The following ZNF423 variants were observed in gnomAD, a reference collection of about 807,000 sequenced individuals.
ZNF423 encodes the protein Ebf-associated zinc finger protein.
A neutral mutation model predicts 95.8 loss-of-function variants in ZNF423; 12 were observed. The ratio of observed to expected loss-of-function variants is 0.13; its 90% CI spans 0.08 to 0.20. The LOEUF (loss-of-function observed/expected upper bound fraction) is 0.20, where lower values mean the gene tolerates loss of function less well. ZNF423 is among the 10% of genes least tolerant of loss of function. The probability of loss-of-function intolerance (pLI) is 1.00; values close to 1 mark genes in which losing one functional copy is unlikely to be tolerated. For missense variants in ZNF423, 1,316 were observed against 1,737.1 expected (o/e 0.76, Z 4.31); for synonymous variants, 749 against 711.9 (o/e 1.05, Z -0.83).
chr16:49,722,340 C>T (rs538678121), intron 3 of ZNF423, among the ~76,000 whole-genome samples: 12 of 152,302 alleles, frequency 7.9e-5, no homozygotes, highest in Non-Finnish European at 1.5e-4. Flanking sequence ...TAGAGAATAA[C>T]GTCTCTGTTC....
At chr16:49,673,072 C>T (rs936102240) in intron 3 of ZNF423, among the ~76,000 whole-genome samples, 2 of 152,158 alleles carry the variant, frequency 1.3e-5, no homozygotes, top group Admixed American at 6.5e-5. Flanking sequence ...CTCACCACCC[C>T]GCCGTGGTAC....
At chr16:49,596,931 G>T (rs758158816) in intron 5 of ZNF423, among the ~76,000 whole-genome samples, 14 of 152,208 alleles carry the variant, frequency 9.2e-5, no homozygotes, top group Admixed American at 6.5e-5. Context: ...TTCCAGCAAG[G>T]GGCAGAAGCA....
At chr16:49,796,081 C>T (rs1490323382) in intron 1 of ZNF423, among the ~76,000 whole-genome samples, 4 of 152,098 alleles carry the variant, frequency 2.6e-5, no homozygotes, top group Non-Finnish European at 4.4e-5. Flanking sequence ...CAGGACTCCA[C>T]GTTGACTCTC....
At chr16:49,819,030 G>A (rs1196591073) in intron 1 of ZNF423, among the ~76,000 whole-genome samples, 2 of 152,060 alleles carry the variant, frequency 1.3e-5, no homozygotes, top group African/African-American at 4.8e-5. Flanking sequence ...GAGGCCGGTG[G>A]ATTACGAGGT....
chr16:49,819,364 T>C (rs2034905747), intron 1 of ZNF423, among the ~76,000 whole-genome samples: 1 of 152,102 alleles, frequency 6.6e-6, no homozygotes, highest in Admixed American at 6.6e-5. Context: ...TATAGAATAT[T>C]TCCATCTTCA....
intron 4 of ZNF423, among the ~76,000 whole-genome samples, chr16:49,632,275 T>C (rs748390771): frequency 5.3e-5 from 8 of 152,086 alleles, no homozygotes; most frequent in Non-Finnish European, 1.0e-4. Flanking sequence ...CTGGTTGCTA[T>C]GGATACACTC....
chr16:49,832,160 T>C (rs1318466115), intron 1 of ZNF423, among the ~76,000 whole-genome samples: 1 of 152,020 alleles, frequency 6.6e-6, no homozygotes, highest in African/African-American at 2.4e-5. Flanking sequence ...TAGCTAGAAA[T>C]CCAACTCCAG....
chr16:49,684,771 A>G (rs2031497002), intron 3 of ZNF423, among the ~76,000 whole-genome samples: 1 of 152,190 alleles, frequency 6.6e-6, no homozygotes, highest in Admixed American at 6.5e-5. Flanking sequence ...CACCAGGTTA[A>G]GCAGCACCCC....
chr16:49,832,867 A>G (rs1191720033), intron 1 of ZNF423, among the ~76,000 whole-genome samples: 1 of 152,236 alleles, frequency 6.6e-6, no homozygotes, highest in Non-Finnish European at 1.5e-5. Context: ...GAAGTCCCAG[A>G]TCTACCCATT....
At position 49,635,673 on chromosome 16, in the gene ZNF423, G is replaced by C; in HGVS notation, c.3503C>G (p.Ser1168Trp). The stretch of plus-strand genomic sequence containing the variant: ...GACTGCACTTACCCGGGGCACTGGC[G>C]ATGTCTGGGTGCCTTTCCGGGGCCC... ...TSGPRKGTQT[S>W]PVPRKKTYQC... Residue 1168 changes from serine to tryptophan, a missense_variant, in exon 4 of 8, where the codon TCG becomes TGG. Physicochemically the swap from Ser to Trp is radical, Grantham distance 177. Coordinates refer to ENST00000563137, the MANE Select transcript of ZNF423 (RefSeq NM_001379286.1). This position sits in a 1 kb window ranked among gnomAD's most constrained non-coding sequence, Gnocchi z 4.8. 1 of 1,576,848 alleles carries C rather than the reference G, an allele frequency of 6.3e-7. No homozygotes were observed. Among genetic ancestry groups the C allele is most frequent in the Non-Finnish European group, 8.6e-7 (1 of 1,163,700 alleles).
chr16:49,665,577 G>T (rs2030498538), intron 3 of ZNF423, among the ~76,000 whole-genome samples: 1 of 152,128 alleles, frequency 6.6e-6, no homozygotes, highest in African/African-American at 2.4e-5. Flanking sequence ...AAGAGCAAAG[G>T]CCTGGAAGTG....
At chr16:49,677,273 G>GAAGAA (rs1567283938) in intron 3 of ZNF423, among the ~76,000 whole-genome samples, 2 of 73,198 alleles carry the variant, frequency 2.7e-5, no homozygotes, top group East Asian at 1.1e-3. Flanking sequence ...GAAGAGAAGA[G>GAAGAA]AAGAGAAGAG....
intron 1 of ZNF423, among the ~76,000 whole-genome samples, chr16:49,790,427 C>T (rs1205513486): frequency 1.3e-5 from 2 of 152,232 alleles, no homozygotes; most frequent in African/African-American, 2.4e-5. Context: ...TCTTCCTCAA[C>T]GGACTCTCAG....
intron 5 of ZNF423, among the ~76,000 whole-genome samples, chr16:49,619,985 C>G (rs151059936): frequency 6.6e-6 from 1 of 152,204 alleles, no homozygotes; most frequent in African/African-American, 2.4e-5. Context: ...GCCTTCAGCA[C>G]GGGGCCAGGG....
At chr16:49,605,504 G>C (rs886857612) in intron 5 of ZNF423, among the ~76,000 whole-genome samples, 5 of 152,156 alleles carry the variant, frequency 3.3e-5, no homozygotes, top group Non-Finnish European at 7.3e-5. Flanking sequence ...TCCAAACAAA[G>C]AGAGAACTCC....
intron 3 of ZNF423, among the ~76,000 whole-genome samples, chr16:49,677,963 A>G (rs1235439212): frequency 6.6e-6 from 1 of 152,074 alleles, no homozygotes; most frequent in Non-Finnish European, 1.5e-5. Flanking sequence ...CGGGTAGATC[A>G]TTTGAGGTCA....
intron 1 of ZNF423, among the ~76,000 whole-genome samples, chr16:49,810,652 G>A (rs373050530): frequency 5.9e-5 from 9 of 152,240 alleles, no homozygotes; most frequent in South Asian, 4.1e-4. Flanking sequence ...TGAATTCATC[G>A]CAAGCCCTTT....
chr16:49,493,006 C>T (rs930000180), intron 7 of ZNF423, among the ~76,000 whole-genome samples: 1 of 152,128 alleles, frequency 6.6e-6, no homozygotes, highest in African/African-American at 2.4e-5. Context: ...CTCTGCCGGC[C>T]GGGCCTGACA....
intron 3 of ZNF423, among the ~76,000 whole-genome samples, chr16:49,700,635 G>A (rs753943302): frequency 6.6e-6 from 1 of 152,202 alleles, no homozygotes; most frequent in African/African-American, 2.4e-5. Flanking sequence ...AGCCGCCAGC[G>A]CCCTGGCACC....
Sources: allele counts gnomAD v4.1 joint callset (sites outside exome capture counted in the v4.1 genomes callset), GRCh38; gene constraint gnomAD v4.1.1; non-coding constraint Gnocchi (gnomAD v3.1); transcripts MANE v1.5; gene names NCBI Gene and HGNC (gene_info 2026-07-23, HGNC 2026-07-21).